The following ZFYVE28 variants were observed in gnomAD, a reference collection of about 807,000 sequenced individuals.
The protein encoded by ZFYVE28 is lateral signaling target protein 2 homolog.
In ZFYVE28, 40 loss-of-function variants were observed where a neutral mutation model predicts 82.1. That is an observed-to-expected ratio of 0.49 (90% CI 0.38 to 0.63). The LOEUF (loss-of-function observed/expected upper bound fraction) is 0.63. Ranked by LOEUF, ZFYVE28 falls within the 30% of genes least tolerant of loss-of-function variation. The pLI is 0.00. For missense variants in ZFYVE28, 1,321 were observed against 1,242.1 expected (o/e 1.06, Z -0.96); for synonymous variants, 612 against 546.1 (o/e 1.12, Z -1.68).
chr4:2,284,055 A>T (rs1475877494), intron 8 of ZFYVE28, among the ~76,000 whole-genome samples: 1 of 152,188 alleles, frequency 6.6e-6, no homozygotes, highest in Admixed American at 6.5e-5. Context: ...TGAGGGAAAA[A>T]GAGTTTGAGG....
chr4:2,386,472 G>C (rs1729270910), intron 1 of ZFYVE28, among the ~76,000 whole-genome samples: 1 of 152,082 alleles, frequency 6.6e-6, no homozygotes, highest in South Asian at 2.1e-4. Flanking sequence ...GCAACACAGG[G>C]AGACTCCATC....
chr4:2,380,789 A>G (rs779349035), intron 1 of ZFYVE28, among the ~76,000 whole-genome samples: 3 of 152,158 alleles, frequency 2.0e-5, no homozygotes, highest in Non-Finnish European at 2.9e-5. Flanking sequence ...TGCCACTGCC[A>G]TGTAAGAAGT....
At chr4:2,295,336 AT>A (rs11308959) in intron 8 of ZFYVE28, among the ~76,000 whole-genome samples, 61,673 of 145,084 alleles carry the variant, frequency 0.43, 13,071 homozygotes, top group Middle Eastern at 0.51. Flanking sequence ...TAAATTTTGT[AT>A]TTTTTTTTTT....
rs1718960087 is a variant in ZFYVE28, at chr4:2,320,797, C to T, written c.702-526G>A. Among the ~76,000 whole-genome samples the T allele has an allele frequency of 6.6e-6, 1 of 152,218 alleles. No individual in the cohort carries two copies. The highest frequency in any genetic ancestry group is 1.5e-5 in the Non-Finnish European group (1 of 68,036). The stretch of plus-strand genomic sequence containing the variant: ...AGACCAAAGCAGCCTCCCCTCATCC[C>T]CCACACAGGACCCACCTCCCTTGTG... On this transcript the variant is annotated intron_variant, in intron 6 of 12. Transcript: ENST00000290974. This position sits in a 1 kb window ranked among gnomAD's most constrained non-coding sequence, Gnocchi z 5.1.
intron 7 of ZFYVE28, among the ~76,000 whole-genome samples, chr4:2,311,000 A>AT (rs1224776537): frequency 6.6e-6 from 1 of 152,042 alleles, no homozygotes; most frequent in African/African-American, 2.4e-5. Flanking sequence ...AAGGTTTTCT[A>AT]TTTCTTCTTC....
chr4:2,331,424 T>C (rs940997480), intron 6 of ZFYVE28, among the ~76,000 whole-genome samples: 1 of 151,456 alleles, frequency 6.6e-6, no homozygotes, highest in Non-Finnish European at 1.5e-5. Context: ...GGCAGATTGC[T>C]AGAGCCCGGG....
chr4:2,303,114 G>C (rs1420288209), intron 8 of ZFYVE28, among the ~76,000 whole-genome samples: 1 of 152,170 alleles, frequency 6.6e-6, no homozygotes, highest in Non-Finnish European at 1.5e-5. Flanking sequence ...CCGGGAACCA[G>C]GCCCAGCCCA....
intron 1 of ZFYVE28, among the ~76,000 whole-genome samples, chr4:2,407,484 C>T (rs899156415): frequency 1.3e-5 from 2 of 152,006 alleles, no homozygotes; most frequent in South Asian, 2.1e-4. Context: ...GGGGTGTGGG[C>T]TTATGAACCT....
chr4:2,279,738 G>GCA (rs1292346838), intron 8 of ZFYVE28, among the ~76,000 whole-genome samples: 35 of 151,096 alleles, frequency 2.3e-4, no homozygotes, highest in East Asian at 1.9e-3. Context: ...CCGAGATCAT[G>GCA]CCACTGCACT....
In ZFYVE28 at chr4:2,418,347, T is replaced by C. The variant is rs557636083; in HGVS notation, c.-24A>G. The C allele has an allele frequency of 3.5e-4, 527 of 1,492,208 alleles. 10 individuals are homozygous for C. The South Asian group carries it at 6.3e-3, about 18-fold the overall frequency. The allele number at this position is 1,492,208 out of a possible 1,614,324, so 92.4% of individuals were successfully genotyped here. ...ATCGCCGCGCCGGCCCTGGCCGGAC[T>C]CCGGGCGGCCCTCGCCCTCCGCAGC... is the stretch of plus-strand genomic sequence containing the variant. On this transcript the variant is annotated 5_prime_UTR_variant, in exon 1 of 13. Transcript: ENST00000290974. The surrounding 1 kb of genome is among the most constrained non-coding windows in gnomAD (Gnocchi z 4.6).
chr4:2,360,955 T>C (rs578223212), intron 1 of ZFYVE28, among the ~76,000 whole-genome samples: 47 of 152,350 alleles, frequency 3.1e-4, no homozygotes, highest in Middle Eastern at 6.8e-3. Context: ...CATTTTAAAT[T>C]CAGTTTTTAA....
intron 1 of ZFYVE28, among the ~76,000 whole-genome samples, chr4:2,396,630 CG>C (rs56934986): frequency 0.018 from 260 of 14,198 alleles, 42 homozygotes; most frequent in African/African-American, 0.15. Flanking sequence ...GGACACAAGG[CG>C]GGGGTGTCTG....
At chr4:2,329,991 A>C (rs1720418933) in intron 6 of ZFYVE28, among the ~76,000 whole-genome samples, 1 of 152,244 alleles carries the variant, frequency 6.6e-6, no homozygotes, top group Non-Finnish European at 1.5e-5. Context: ...TCCGTGAATA[A>C]GAGTTATAGT....
intron 8 of ZFYVE28, among the ~76,000 whole-genome samples, chr4:2,303,509 C>T (rs1284116267): frequency 1.3e-5 from 2 of 152,202 alleles, no homozygotes; most frequent in African/African-American, 4.8e-5. Context: ...TAGACACGGC[C>T]ACAGCCAGAG....
intron 6 of ZFYVE28, among the ~76,000 whole-genome samples, chr4:2,323,186 G>C (rs1020763897): frequency 1.3e-5 from 2 of 152,182 alleles, no homozygotes; most frequent in African/African-American, 2.4e-5. Flanking sequence ...CAAGGGTTCT[G>C]ACTTCTCCAC....
intron 1 of ZFYVE28, among the ~76,000 whole-genome samples, chr4:2,368,164 G>A (rs1281596849): frequency 5.7e-5 from 8 of 139,356 alleles, no homozygotes; most frequent in African/African-American, 2.2e-4. Flanking sequence ...GAGCACTTGA[G>A]GCCAGGAGTT....
chr4:2,271,435 T>C (rs779576592), intron 11 of ZFYVE28, 21 bp from the exon 12 acceptor site: 1 of 1,609,648 alleles, frequency 6.2e-7, no homozygotes, highest in Non-Finnish European at 8.5e-7. Flanking sequence ...AACAGCAGCG[T>C]CACATCAGCG....
At chr4:2,308,675 A>AGAGAGAG (rs1717007817) in intron 7 of ZFYVE28, among the ~76,000 whole-genome samples, 28 of 93,216 alleles carry the variant, frequency 3.0e-4, no homozygotes, top group African/African-American at 9.2e-4. Context: ...GAAAGAAAGA[A>AGAGAGAG]AGAGAAAGAA....
chr4:2,337,885 C>G (rs1294710374), intron 4 of ZFYVE28, among the ~76,000 whole-genome samples: 1 of 151,992 alleles, frequency 6.6e-6, no homozygotes, highest in Non-Finnish European at 1.5e-5. Flanking sequence ...AATACACACA[C>G]ACACCCTACA....
Sources: allele counts gnomAD v4.1 joint callset (sites outside exome capture counted in the v4.1 genomes callset), GRCh38; gene constraint gnomAD v4.1.1; non-coding constraint Gnocchi (gnomAD v3.1); transcripts MANE v1.5; gene names NCBI Gene and HGNC (gene_info 2026-07-23, HGNC 2026-07-21).